Variants in PCDH7 observed in about 807,000 individuals in gnomAD.
PCDH7 encodes protocadherin 7, also known as protocadherin-7.
A neutral mutation model predicts 58.9 loss-of-function variants in PCDH7; 17 were observed. That is an observed-to-expected ratio of 0.29 (90% CI 0.20 to 0.43). The LOEUF is 0.43. Among genes scored for constraint, PCDH7 ranks in the 20% least tolerant of loss-of-function variants. The pLI, the probability that PCDH7 is intolerant of heterozygous loss-of-function variation, is 1.00. For synonymous variants in PCDH7, 664 were observed against 616.4 expected, an observed-to-expected ratio of 1.08 and a Z score of -1.14; for missense variants, 1,274 against 1,441.0, an observed-to-expected ratio of 0.88 and a Z score of 1.88.
intron 3 of PCDH7, among the ~76,000 whole-genome samples, chr4:31,032,617 A>AG (rs1755027515): frequency 6.9e-6 from 1 of 145,502 alleles, no homozygotes; most frequent in Admixed American, 6.9e-5. Context: ...AAAAAAAAAA[A>AG]AAAGAAAGAA....
At chr4:30,783,204 C>A (rs899680710) in intron 1 of PCDH7, 15 of 152,106 alleles carry the variant, frequency 9.9e-5, no homozygotes, top group Admixed American at 3.9e-4. Context: ...AGAAAAAAAA[C>A]CAATAAACTT....
chr4:31,023,132 G>C (rs548108477), intron 3 of PCDH7, among the ~76,000 whole-genome samples: 3 of 152,256 alleles, frequency 2.0e-5, no homozygotes, highest in African/African-American at 7.2e-5. Context: ...GGAGATAGTG[G>C]GCTAGGCAGT....
chr4:30,776,048 A>C (rs1466107901), intron 1 of PCDH7, among the ~76,000 whole-genome samples: 1 of 152,230 alleles, frequency 6.6e-6, no homozygotes, highest in East Asian at 1.9e-4. Context: ...AAGGAAGAGT[A>C]ACCATGGTCG....
chr4:30,832,093 AAC>A (rs1189129358), intron 1 of PCDH7, among the ~76,000 whole-genome samples: 1 of 152,202 alleles, frequency 6.6e-6, no homozygotes, highest in African/African-American at 2.4e-5. Context: ...TTTTGAAAGA[AAC>A]ACAGTTCACA....
chr4:30,843,404 G>C (rs919587457), intron 1 of PCDH7, among the ~76,000 whole-genome samples: 2 of 152,090 alleles, frequency 1.3e-5, no homozygotes, highest in Non-Finnish European at 2.9e-5. Flanking sequence ...ATGTTGGCCA[G>C]GCTGGTCTTG....
rs767943957 is a variant in PCDH7 at position 30,723,906 on chromosome 4, C to G, written c.2484C>G (p.Ser828=). The G allele has an allele frequency of 6.2e-7, 1 of 1,613,896 alleles. No individual in the cohort carries two copies. Among genetic ancestry groups the G allele is most frequent in the East Asian group, 2.2e-5 (1 of 44,866 alleles). Residue 828 remains serine, a synonymous_variant, in exon 1 of 2, where the codon TCC becomes TCG. Transcript: ENST00000361762. The surrounding 1 kb of genome is among the most constrained non-coding windows in gnomAD (Gnocchi z 4.6). ...AAGTGAATGACAGTGGGCAGCCTTC[C>G]CAGTCCACCACGACTCTGGTGCACG...
intron 3 of PCDH7, among the ~76,000 whole-genome samples, chr4:31,082,353 T>G (rs1324580538): frequency 6.6e-6 from 1 of 152,362 alleles, no homozygotes; most frequent in South Asian, 2.1e-4. Flanking sequence ...ATAAAAGGTC[T>G]GTAGATTACA....
chr4:30,960,106 G>T (rs866019664), intron 3 of PCDH7, among the ~76,000 whole-genome samples: 1 of 113,586 alleles, frequency 8.8e-6, no homozygotes, highest in Non-Finnish European at 1.8e-5. Context: ...AGGAAGAAAG[G>T]AAGGAGGGAA....
At chr4:30,730,668 C>A (rs1372444593) in intron 1 of PCDH7, 5 of 954,106 alleles carry the variant, frequency 5.2e-6, no homozygotes, top group African/African-American at 1.7e-5. Flanking sequence ...TCTACTAAAG[C>A]TTTCCAATTG....
intron 1 of PCDH7, among the ~76,000 whole-genome samples, chr4:30,761,718 A>G (rs1057159542): frequency 6.6e-6 from 1 of 152,220 alleles, no homozygotes; most frequent in Admixed American, 6.5e-5. Flanking sequence ...TCCAAATTCA[A>G]TCACTTGACT....
chr4:31,093,924 C>T (rs1713602082), intron 3 of PCDH7, among the ~76,000 whole-genome samples: 1 of 152,080 alleles, frequency 6.6e-6, no homozygotes, highest in East Asian at 1.9e-4. Flanking sequence ...TGTTTCATCA[C>T]TTAATAACTG....
At chr4:30,765,700 A>G (rs1193572887) in intron 1 of PCDH7, among the ~76,000 whole-genome samples, 10 of 152,342 alleles carry the variant, frequency 6.6e-5, no homozygotes, top group African/African-American at 1.4e-4. Flanking sequence ...TAAGTATGCA[A>G]TGTGCCTCTG....
chr4:30,818,969 T>C (rs1363249620), intron 1 of PCDH7, among the ~76,000 whole-genome samples: 1 of 152,176 alleles, frequency 6.6e-6, no homozygotes, highest in Non-Finnish European at 1.5e-5. Context: ...TTCCTAACCA[T>C]TTTGAGTTTC....
At chr4:30,850,901 T>TC (rs1484916527) in intron 1 of PCDH7, among the ~76,000 whole-genome samples, 1 of 152,114 alleles carries the variant, frequency 6.6e-6, no homozygotes, top group Non-Finnish European at 1.5e-5. Flanking sequence ...CCTCCTTGGC[T>TC]CCCTGCATTT....
At chr4:30,816,813 A>G (rs1445570301) in intron 1 of PCDH7, among the ~76,000 whole-genome samples, 1 of 152,148 alleles carries the variant, frequency 6.6e-6, no homozygotes, top group African/African-American at 2.4e-5. Context: ...GATCCATGGG[A>G]TATTTATCAG....
At chr4:30,758,616 A>G (rs1456245526) in intron 1 of PCDH7, among the ~76,000 whole-genome samples, 1 of 152,178 alleles carries the variant, frequency 6.6e-6, no homozygotes, top group Non-Finnish European at 1.5e-5. Context: ...CTGCAATAGC[A>G]TGACAGTTGT....
intron 1 of PCDH7, among the ~76,000 whole-genome samples, chr4:30,778,522 A>AT (rs992302923): frequency 6.4e-4 from 98 of 152,204 alleles, no homozygotes; most frequent in African/African-American, 2.2e-3. Context: ...ATATTTTATG[A>AT]TTTTTTTCAA....
intron 3 of PCDH7, among the ~76,000 whole-genome samples, chr4:31,125,040 A>T (rs993288823): frequency 1.3e-5 from 2 of 152,168 alleles, no homozygotes; most frequent in Non-Finnish European, 1.5e-5. Context: ...GCCATGTAGG[A>T]TCTAAAATAG....
chr4:30,870,682 G>C (rs893930817), intron 1 of PCDH7, among the ~76,000 whole-genome samples: 2 of 152,078 alleles, frequency 1.3e-5, no homozygotes, highest in African/African-American at 4.8e-5. Flanking sequence ...TGGTTTCCCT[G>C]TTGCACCCAC....
Sources: gnomAD v4.1 joint callset for allele counts (sites outside exome capture counted in the v4.1 genomes callset) on GRCh38, gnomAD v4.1.1 for gene constraint, Gnocchi (gnomAD v3.1) non-coding constraint, MANE v1.5 for transcripts, NCBI Gene and HGNC (gene_info 2026-07-23, HGNC 2026-07-21) for gene names.